Variants in SNTG1 observed in about 807,000 individuals in gnomAD.
The protein encoded by SNTG1 is gamma-1-syntrophin.
In SNTG1, 39 loss-of-function variants were observed where a neutral mutation model predicts 74.7. The ratio of observed to expected loss-of-function variants is 0.52; its 90% CI spans 0.40 to 0.68. The LOEUF (loss-of-function observed/expected upper bound fraction) is 0.68. Among genes scored for constraint, SNTG1 ranks in the 30% least tolerant of loss-of-function variants. SNTG1 has a pLI of 0.00. For missense variants in SNTG1, 685 were observed against 609.5 expected (o/e 1.12, Z -1.30); for synonymous variants, 254 against 217.1 (o/e 1.17, Z -1.49).
At chr8:50,483,499 G>A (rs1198160403) in intron 8 of SNTG1, among the ~76,000 whole-genome samples, 1 of 152,050 alleles carries the variant, frequency 6.6e-6, no homozygotes, top group Non-Finnish European at 1.5e-5. Flanking sequence ...CATCATGAAA[G>A]TGCTAGCACA....
At chr8:50,250,124 T>C (rs2086582033) in intron 2 of SNTG1, among the ~76,000 whole-genome samples, 1 of 151,370 alleles carries the variant, frequency 6.6e-6, no homozygotes, top group Non-Finnish European at 1.5e-5. Flanking sequence ...AAGAGATAGA[T>C]ACTATAAAAA....
At chr8:50,019,844 A>G (rs1816660292) in intron 1 of SNTG1, among the ~76,000 whole-genome samples, 1 of 152,112 alleles carries the variant, frequency 6.6e-6, no homozygotes, top group South Asian at 2.1e-4. Flanking sequence ...GGTGTGAAAC[A>G]TCATAAGCAG....
chr8:50,024,399 T>G (rs1156838284), intron 1 of SNTG1, among the ~76,000 whole-genome samples: 1 of 152,156 alleles, frequency 6.6e-6, no homozygotes, highest in Non-Finnish European at 1.5e-5. Context: ...AAAGGAAACC[T>G]GCAAAATCAT....
chr8:50,032,180 G>A (rs774376627), intron 1 of SNTG1, among the ~76,000 whole-genome samples: 2 of 151,592 alleles, frequency 1.3e-5, no homozygotes, highest in Middle Eastern at 3.2e-3. Flanking sequence ...TTCTCAATTC[G>A]TTTTTTCTTT....
chr8:50,072,523 C>T (rs1002205435), intron 1 of SNTG1, among the ~76,000 whole-genome samples: 1 of 152,148 alleles, frequency 6.6e-6, no homozygotes, highest in East Asian at 1.9e-4. Context: ...AAGCATCTTC[C>T]CTTTCATGAG....
intron 18 of SNTG1, among the ~76,000 whole-genome samples, chr8:50,764,301 A>C (rs919490833): frequency 2.6e-5 from 4 of 151,950 alleles, no homozygotes; most frequent in African/African-American, 7.2e-5. Flanking sequence ...AAGCTTCCTC[A>C]CAGCAAAGAA....
chr8:50,022,278 T>C (rs1816894345), intron 1 of SNTG1, among the ~76,000 whole-genome samples: 1 of 152,214 alleles, frequency 6.6e-6, no homozygotes, highest in African/African-American at 2.4e-5. Flanking sequence ...ATAAATGCTG[T>C]AATAGATATT....
At chr8:50,430,920 C>A (rs1473475864) in intron 4 of SNTG1, among the ~76,000 whole-genome samples, 1 of 152,136 alleles carries the variant, frequency 6.6e-6, no homozygotes, top group East Asian at 1.9e-4. Flanking sequence ...TCACACCATA[C>A]CCTGATGTGA....
At chr8:49,924,860 C>G (rs1014966299) in intron 1 of SNTG1, among the ~76,000 whole-genome samples, 3 of 151,924 alleles carry the variant, frequency 2.0e-5, no homozygotes, top group Non-Finnish European at 4.4e-5. Context: ...TTCGTAGATG[C>G]AGCTATTGGC....
intron 10 of SNTG1, among the ~76,000 whole-genome samples, chr8:50,531,547 T>C (rs1456910379): frequency 1.3e-5 from 2 of 152,166 alleles, no homozygotes; most frequent in African/African-American, 4.8e-5. Context: ...TTCGATCCAC[T>C]TCTGTTTTCC....
chr8:50,291,340 G>T (rs184887914), intron 2 of SNTG1, among the ~76,000 whole-genome samples: 1 of 150,882 alleles, frequency 6.6e-6, no homozygotes, highest in East Asian at 2.0e-4. Flanking sequence ...AGAGTGTGAG[G>T]TACTATTTTT....
chr8:50,524,905 C>A (rs954674922), intron 9 of SNTG1, among the ~76,000 whole-genome samples: 4 of 152,082 alleles, frequency 2.6e-5, no homozygotes, highest in Non-Finnish European at 5.9e-5. Flanking sequence ...TTCTGTACCA[C>A]AATAAAAATT....
At chr8:50,270,708 AT>A (rs1367660368) in intron 2 of SNTG1, among the ~76,000 whole-genome samples, 1 of 152,210 alleles carries the variant, frequency 6.6e-6, no homozygotes, top group African/African-American at 2.4e-5. Context: ...ATCAACATGT[AT>A]TTTGAGTGCA....
intron 8 of SNTG1, among the ~76,000 whole-genome samples, chr8:50,462,378 C>G (rs904723512): frequency 7.2e-6 from 1 of 138,876 alleles, no homozygotes; most frequent in Non-Finnish European, 1.6e-5. Flanking sequence ...GAGTCATAAT[C>G]TTTTTGCTGG....
intron 18 of SNTG1, among the ~76,000 whole-genome samples, chr8:50,760,304 C>T (rs944455503): frequency 1.3e-5 from 2 of 152,064 alleles, no homozygotes; most frequent in Non-Finnish European, 1.5e-5. Flanking sequence ...AATATTTTGA[C>T]TTATTCTATT....
intron 2 of SNTG1, among the ~76,000 whole-genome samples, chr8:50,254,117 A>G (rs1308337189): frequency 6.6e-6 from 1 of 152,204 alleles, no homozygotes; most frequent in African/African-American, 2.4e-5. Context: ...TGATTTCATC[A>G]TTATACAATG....
chr8:50,611,776 A>G (rs549137815), intron 13 of SNTG1, among the ~76,000 whole-genome samples: 1 of 151,874 alleles, frequency 6.6e-6, no homozygotes, highest in Admixed American at 6.6e-5. Flanking sequence ...CTTTAATTTA[A>G]TTTTTTTTGA....
chr8:50,501,429 T>G (rs13269495), intron 8 of SNTG1, among the ~76,000 whole-genome samples: 1 of 92,510 alleles, frequency 1.1e-5, no homozygotes, highest in African/African-American at 5.2e-5. Context: ...CTGTGCGTTT[T>G]TTTTTTTTTT....
intron 1 of SNTG1, among the ~76,000 whole-genome samples, chr8:50,059,150 G>A (rs1820269904): frequency 6.6e-6 from 1 of 151,992 alleles, no homozygotes; most frequent in Non-Finnish European, 1.5e-5. Flanking sequence ...TTCTTCCATT[G>A]AAGGACATTT....
Sources: allele counts gnomAD v4.1 joint callset (sites outside exome capture counted in the v4.1 genomes callset), GRCh38; gene constraint gnomAD v4.1.1; transcripts MANE v1.5; gene names NCBI Gene and HGNC (gene_info 2026-07-23, HGNC 2026-07-21).